The following GANC variants were observed in gnomAD, a reference collection of about 807,000 sequenced individuals.
GANC encodes glucosidase alpha, neutral C.
A neutral mutation model predicts 124.2 loss-of-function variants in GANC; 117 were observed. That is an observed-to-expected ratio of 0.94 (90% CI 0.81 to 1.10). GANC has a LOEUF of 1.10. Among genes scored for constraint, GANC ranks in the 50% least tolerant of loss-of-function variants. GANC has a pLI of 0.00. For synonymous variants in GANC, 377 were observed against 376.8 expected (o/e 1.00, Z -0.01); for missense variants, 1,140 against 1,095.0 (o/e 1.04, Z -0.58).
At position 42,338,383 on chromosome 15, in the gene GANC, C is replaced by T. The variant is rs2052300372; in HGVS notation, c.1742-6C>T. 7 of 1,608,986 alleles carry T rather than the reference C, an allele frequency of 4.4e-6. No individual in the cohort carries two copies. The East Asian group carries it at 1.6e-4, about 36-fold the overall frequency. On this transcript the variant is annotated splice_polypyrimidine_tract_variant and splice_region_variant and intron_variant, in intron 15 of 23. Coordinates refer to ENST00000318010, the MANE Select transcript of GANC (RefSeq NM_198141.3). ...GATTTTAATACATTGTTGCTGGTGA[C>T]CAAAGGTGCCGTGTGGACAGGCGAC... is the stretch of plus-strand genomic sequence containing the variant.
rs770342357 is a variant in GANC at position 42,278,457 on chromosome 15, G to A, written c.93-25G>A. ...ACTGACAATCACAAATAATTATCAA[G>A]CATCTGCATACTCCGTATCTATAGG... On this transcript the variant is annotated intron_variant, in intron 2 of 23. Coordinates refer to ENST00000318010, the MANE Select transcript of GANC (RefSeq NM_198141.3). 13 of 1,424,772 alleles carry A rather than the reference G, an allele frequency of 9.1e-6. No individual in the cohort carries two copies. In the East Asian group the frequency reaches 1.1e-4, roughly 13 times the overall value. The allele number at this position is 1,424,772 out of a possible 1,614,324, so 88.3% of individuals were successfully genotyped here. A position where few individuals can be genotyped will look rare whatever the true frequency, so the allele number is the denominator to read the frequency against.
intron 6 of GANC, among the ~76,000 whole-genome samples, chr15:42,303,572 A>C (rs1469659363): frequency 6.6e-6 from 1 of 151,968 alleles, no homozygotes; most frequent in Non-Finnish European, 1.5e-5. Context: ...AATTGGATAA[A>C]GAGTCAAGAC....
At chr15:42,316,063 G>A (rs1239040557) in intron 10 of GANC, among the ~76,000 whole-genome samples, 1 of 152,004 alleles carries the variant, frequency 6.6e-6, no homozygotes, top group Non-Finnish European at 1.5e-5. Flanking sequence ...AAAACCCTGT[G>A]TTCTCTGAAG....
intron 7 of GANC, 51 bp downstream of exon 7, chr15:42,306,663 A>G (rs756425778): frequency 1.1e-5 from 14 of 1,281,504 alleles, no homozygotes; most frequent in East Asian, 2.4e-5. Context: ...AAAAATGTCT[A>G]CATAATTCTA....
chr15:42,314,060 A>G (rs758652189), intron 10 of GANC: 23 of 708,412 alleles, frequency 3.2e-5, no homozygotes, highest in South Asian at 3.2e-4. Context: ...AAGTTCTGTG[A>G]CAGCCTACCT....
chr15:42,290,730 C>G (rs1486608209), intron 4 of GANC, among the ~76,000 whole-genome samples: 1 of 152,084 alleles, frequency 6.6e-6, no homozygotes, highest in Non-Finnish European at 1.5e-5. Context: ...ATCACTTGAC[C>G]CCAGTGGTTT....
chr15:42,296,409 G>GAAATAA (rs1566951892), intron 5 of GANC, among the ~76,000 whole-genome samples: 18 of 151,974 alleles, frequency 1.2e-4, no homozygotes, highest in African/African-American at 4.4e-4. Context: ...GTTTTAAGAC[G>GAAATAA]GAATTTCACT....
chr15:42,275,986 G>T (rs1046293813), intron 1 of GANC, among the ~76,000 whole-genome samples: 15 of 152,138 alleles, frequency 9.9e-5, no homozygotes, highest in African/African-American at 3.6e-4. Flanking sequence ...GGTTGGTTTT[G>T]GTTTGTTCGT....
intron 22 of GANC, 94 bp downstream of exon 22, chr15:42,349,589 A>G: frequency 3.9e-6 from 3 of 762,284 alleles, no homozygotes; most frequent in Non-Finnish European, 6.8e-6. Flanking sequence ...GTTTTAAGTT[A>G]CTATTTAAAG....
chr15:42,293,224 A>G (rs2051858951), intron 5 of GANC, among the ~76,000 whole-genome samples: 1 of 152,198 alleles, frequency 6.6e-6, no homozygotes, highest in Non-Finnish European at 1.5e-5. Context: ...GTGAACTAGC[A>G]TACCTTCGTA....
chr15:42,335,267 G>A (rs944289699), intron 15 of GANC, among the ~76,000 whole-genome samples: 9 of 152,116 alleles, frequency 5.9e-5, no homozygotes, highest in South Asian at 4.2e-4. Context: ...CTTATCCACC[G>A]TGATCAAGAA....
intron 3 of GANC, among the ~76,000 whole-genome samples, chr15:42,284,658 T>C (rs546199735): frequency 1.6e-3 from 243 of 152,262 alleles, no homozygotes; most frequent in African/African-American, 5.7e-3. Context: ...AGAGATGGGG[T>C]CTCACTGTGT....
chr15:42,327,173 T>A (rs1293895151), intron 12 of GANC, among the ~76,000 whole-genome samples, 190 bp from the exon 13 acceptor site: 2 of 152,202 alleles, frequency 1.3e-5, no homozygotes, highest in African/African-American at 2.4e-5. Flanking sequence ...TATTGAAAGA[T>A]CTAGTGATTG....
chr15:42,310,175 C>T, intron 8 of GANC, 108 bp from the exon 9 acceptor site: 1 of 819,920 alleles, frequency 1.2e-6, no homozygotes. Flanking sequence ...GTTGAGCCTC[C>T]AAAGATGCGT....
chr15:42,273,500 A>T lies in GANC; in HGVS notation c.-982A>T. The T allele has an allele frequency of 6.5e-7, 1 of 1,537,870 alleles. No individual in the cohort carries two copies. The highest frequency in any genetic ancestry group is 8.7e-7 in the Non-Finnish European group (1 of 1,145,080). ...AAGGGCGGGATTATCCGGGTCCTGG[A>T]AACGTCGCGGAGCTTGTTTGCTGTG... On this transcript the variant is annotated 5_prime_UTR_variant, in exon 1 of 24. Transcript: ENST00000318010.
At chr15:42,308,165 A>C (rs1474613645) in intron 7 of GANC, 57 bp from the exon 8 acceptor site, 1 of 1,094,884 alleles carries the variant, frequency 9.1e-7, no homozygotes, top group African/African-American at 1.6e-5. Context: ...AATTAACTGA[A>C]TCTCCTTAAG....
rs150417087 is a variant in GANC, at chr15:42,308,261, T to A, written c.665T>A (p.Phe222Tyr). 3.4e-4 allele frequency: 555 copies of A among 1,610,272 alleles called. 2 individuals are homozygous for A. The African/African-American group carries it at 6.6e-3, about 19-fold the overall frequency. Residue 222 changes from phenylalanine to tyrosine, a missense_variant, in exon 8 of 24, where the codon TTT becomes TAT. Physicochemically the swap from Phe to Tyr is conservative, Grantham distance 22 (BLOSUM62 3). Coordinates refer to ENST00000318010, the MANE Select transcript of GANC (RefSeq NM_198141.3). The part of the protein sequence containing the change: ...SIGLDFSLHG[F>Y]EHLYGIPQHA... ...GGTTTGGATTTCTCCTTGCATGGAT[T>A]TGAGCATCTTTATGGGATCCCACAA... is the stretch of plus-strand genomic sequence containing the variant.
At chr15:42,333,783 A>C (rs2052264078) in intron 15 of GANC, among the ~76,000 whole-genome samples, 1 of 152,218 alleles carries the variant, frequency 6.6e-6, no homozygotes, top group Non-Finnish European at 1.5e-5. Flanking sequence ...ATAAATGTTA[A>C]TTATTGTTAT....
At chr15:42,285,713 T>A (rs1392691174) in intron 3 of GANC, among the ~76,000 whole-genome samples, 1 of 152,150 alleles carries the variant, frequency 6.6e-6, no homozygotes, top group Non-Finnish European at 1.5e-5. Flanking sequence ...AAGAATCTCT[T>A]GAACCTAGGA....
Sources: allele counts gnomAD v4.1 joint callset (sites outside exome capture counted in the v4.1 genomes callset), GRCh38; gene constraint gnomAD v4.1.1; transcripts MANE v1.5; gene names NCBI Gene and HGNC (gene_info 2026-07-23, HGNC 2026-07-21).